BCAS3: variants seen among roughly 807,000 people sequenced by gnomAD.
The protein encoded by BCAS3 is BCAS4/BCAS3 fusion.
BCAS3 carries 53 observed loss-of-function variants against 116.1 expected under a neutral mutation model. The ratio of observed to expected loss-of-function variants is 0.46; its 90% CI spans 0.37 to 0.57. BCAS3 has a LOEUF of 0.57. Ranked by LOEUF, BCAS3 falls within the 20% of genes least tolerant of loss-of-function variation. The probability of loss-of-function intolerance (pLI) is 0.00; values close to 1 mark genes in which losing one functional copy is unlikely to be tolerated. For missense variants in BCAS3, 917 were observed against 1,165.4 expected (o/e 0.79, Z 3.10); for synonymous variants, 391 against 408.2 (o/e 0.96, Z 0.51).
chr17:61,341,796 C>G (rs1198124685), intron 22 of BCAS3, among the ~76,000 whole-genome samples: 1 of 152,210 alleles, frequency 6.6e-6, no homozygotes, highest in Admixed American at 6.5e-5. Context: ...CTTTTCTCTG[C>G]GATACCCAAA....
chr17:60,797,690 C>A (rs757361655), intron 6 of BCAS3, among the ~76,000 whole-genome samples: 14 of 152,094 alleles, frequency 9.2e-5, no homozygotes, highest in Non-Finnish European at 1.6e-4. Context: ...CCTAGCCCCC[C>A]ACCTCCCGAC....
chr17:61,006,707 G>A (rs1227135999), intron 15 of BCAS3, among the ~76,000 whole-genome samples: 1 of 151,998 alleles, frequency 6.6e-6, no homozygotes, highest in Non-Finnish European at 1.5e-5. Flanking sequence ...AGCACTTAGT[G>A]TCAGTACTAT....
At chr17:61,216,716 G>A (rs2081816377) in intron 22 of BCAS3, among the ~76,000 whole-genome samples, 2 of 150,836 alleles carry the variant, frequency 1.3e-5, no homozygotes, top group Admixed American at 1.3e-4. Context: ...GCTAATTTTT[G>A]TATTTTTAGT....
chr17:61,247,489 G>A (rs556964069), intron 22 of BCAS3, among the ~76,000 whole-genome samples: 1 of 152,090 alleles, frequency 6.6e-6, no homozygotes, highest in African/African-American at 2.4e-5. Flanking sequence ...CACGATTTTT[G>A]CTCTTGGGCT....
rs545102804 is a variant in BCAS3, at chr17:60,725,289, A to C, written c.321+15964A>C. Among the ~76,000 whole-genome samples, 3 of 152,296 alleles carry C rather than the reference A, an allele frequency of 2.0e-5. No homozygotes were observed. In the South Asian group the frequency reaches 6.2e-4, roughly 32 times the overall value. ...GCTTTTGAATTCTAAATATGCTAGA[A>C]ACTCAATCTGAGAAAGTCCCAAAAT... is the stretch of plus-strand genomic sequence containing the variant. On this transcript the variant is annotated intron_variant, in intron 5 of 23. Coordinates refer to ENST00000407086, the MANE Select transcript of BCAS3 (RefSeq NM_017679.5).
chr17:61,271,007 T>G (rs2050190166), intron 22 of BCAS3, among the ~76,000 whole-genome samples: 1 of 152,108 alleles, frequency 6.6e-6, no homozygotes, highest in Non-Finnish European at 1.5e-5. Flanking sequence ...TCCGCCTGCC[T>G]CAGCCTCCCA....
chr17:60,716,711 T>A (rs1320138476), intron 5 of BCAS3, among the ~76,000 whole-genome samples: 7 of 139,190 alleles, frequency 5.0e-5, no homozygotes, highest in Admixed American at 6.9e-5. Flanking sequence ...CAAGACCCTC[T>A]CAAAAAAAAA....
At chr17:60,756,589 G>T (rs1312073062) in intron 6 of BCAS3, among the ~76,000 whole-genome samples, 2 of 152,126 alleles carry the variant, frequency 1.3e-5, no homozygotes, top group East Asian at 1.9e-4. Flanking sequence ...TCCCTGTGCT[G>T]CAGTGACATG....
At chr17:60,706,608 T>C (rs1268582519) in intron 4 of BCAS3, among the ~76,000 whole-genome samples, 1 of 151,994 alleles carries the variant, frequency 6.6e-6, no homozygotes, top group Admixed American at 6.6e-5. Flanking sequence ...ATGGATCTCT[T>C]GAGGCCAGGC....
At chr17:61,341,709 AT>A (rs1214601104) in intron 22 of BCAS3, among the ~76,000 whole-genome samples, 1 of 152,168 alleles carries the variant, frequency 6.6e-6, no homozygotes, top group Non-Finnish European at 1.5e-5. Flanking sequence ...CAAAGCCGCA[AT>A]GGTTGTTATC....
chr17:61,057,167 T>G (rs2069468415), intron 19 of BCAS3, among the ~76,000 whole-genome samples: 1 of 152,210 alleles, frequency 6.6e-6, no homozygotes, highest in Admixed American at 6.5e-5. Flanking sequence ...CTTACCATCT[T>G]TTAAATAATA....
intron 19 of BCAS3, among the ~76,000 whole-genome samples, chr17:61,067,718 CAAACA>C (rs1170064220): frequency 3.9e-4 from 34 of 87,882 alleles, no homozygotes; most frequent in African/African-American, 1.2e-3. Context: ...CCATCTCAAA[CAAACA>C]AACAAAAAAA....
intron 14 of BCAS3, among the ~76,000 whole-genome samples, chr17:60,977,488 C>CTTT (rs897936960): frequency 1.1e-4 from 16 of 149,306 alleles, no homozygotes; most frequent in Admixed American, 4.0e-4. Context: ...GAAGCACTTT[C>CTTT]TTTTTATTAT....
At chr17:61,024,952 G>C in intron 16 of BCAS3, among the ~76,000 whole-genome samples, 1 of 152,192 alleles carries the variant, frequency 6.6e-6, no homozygotes, top group East Asian at 1.9e-4. Flanking sequence ...ATATAACGAC[G>C]TAAGCCTGGA....
At position 61,198,521 on chromosome 17, in the gene BCAS3, G is replaced by T. The variant is rs1004679398; in HGVS notation, c.2425+113957G>T. ...ACAACAATTTTATACTAAAACTTTT[G>T]GGGGGAAGGGCCATTACCTTAATTT... On this transcript the variant is annotated intron_variant, in intron 22 of 23. Coordinates refer to ENST00000407086, the MANE Select transcript of BCAS3 (RefSeq NM_017679.5). The surrounding 1 kb of genome is among the most constrained non-coding windows in gnomAD (Gnocchi z 5.0). Among the ~76,000 whole-genome samples, 1 of 152,122 alleles carries T rather than the reference G, an allele frequency of 6.6e-6. No homozygotes were observed. Among genetic ancestry groups the T allele is most frequent in the Admixed American group, 6.5e-5 (1 of 15,272 alleles).
At position 60,910,468 on chromosome 17, in the gene BCAS3, G is replaced by A. The variant is rs1403125030; in HGVS notation, c.823-64G>A. 14 of 1,268,718 alleles carry A rather than the reference G, an allele frequency of 1.1e-5. No individual in the cohort carries two copies. In the African/African-American group the frequency reaches 1.2e-4, roughly 11 times the overall value. The allele number at this position is 1,268,718 out of a possible 1,614,324, so 78.6% of individuals were successfully genotyped here. A position where few individuals can be genotyped will look rare whatever the true frequency, so the allele number is the denominator to read the frequency against. ...TAATGATTAGGAAAATTAATAAAAT[G>A]CGTATTTCTATGTAGAATCCAAATA... On this transcript the variant is annotated intron_variant, in intron 11 of 23. Transcript: ENST00000407086.
chr17:61,137,519 A>T (rs1313972754), intron 22 of BCAS3, among the ~76,000 whole-genome samples: 1 of 152,254 alleles, frequency 6.6e-6, no homozygotes. Flanking sequence ...CTGTAATCCC[A>T]GCACTTTGGG....
chr17:61,233,307 T>C lies in BCAS3; in HGVS notation c.2426-135020T>C, dbSNP rs996902787. On this transcript the variant is annotated intron_variant, in intron 22 of 23. Transcript: ENST00000407086. This position sits in a 1 kb window ranked among gnomAD's most constrained non-coding sequence, Gnocchi z 4.3. ...CAGGGAAGAGTTTGGACCCCAGGCTTTTACAGGTTTGTAGTAAAATCTGAG... is the reference window on the plus strand; with the variant it reads ...CAGGGAAGAGTTTGGACCCCAGGCTCTTACAGGTTTGTAGTAAAATCTGAG... Among the ~76,000 whole-genome samples the C allele has an allele frequency of 6.6e-6, 1 of 152,146 alleles. No homozygotes were observed. The highest frequency in any genetic ancestry group is 2.4e-5 in the African/African-American group (1 of 41,430).
intron 22 of BCAS3, among the ~76,000 whole-genome samples, chr17:61,301,254 A>C (rs1260653549): frequency 6.6e-6 from 1 of 152,176 alleles, no homozygotes; most frequent in Non-Finnish European, 1.5e-5. Context: ...TGGCCCTCAG[A>C]GTCTAAAATA....
Sources: gnomAD v4.1 joint callset for allele counts (sites outside exome capture counted in the v4.1 genomes callset) on GRCh38, gnomAD v4.1.1 for gene constraint, Gnocchi (gnomAD v3.1) non-coding constraint, MANE v1.5 for transcripts, NCBI Gene and HGNC (gene_info 2026-07-23, HGNC 2026-07-21) for gene names.